Variants in CHRDL1 observed in about 807,000 individuals in gnomAD.
CHRDL1 encodes the protein chordin-like protein 1.
Under a neutral mutation model 40.9 loss-of-function variants are expected in CHRDL1, and 19 were observed. The observed-to-expected ratio is 0.46, with a 90% CI of 0.32 to 0.68. The LOEUF is 0.68. Among genes scored for constraint, CHRDL1 ranks in the 30% least tolerant of loss-of-function variants. The pLI is 0.03. For missense variants in CHRDL1, 329 were observed against 352.1 expected, an observed-to-expected ratio of 0.93 and a Z score of 0.53; for synonymous variants, 136 against 123.4, an observed-to-expected ratio of 1.10 and a Z score of -0.68.
At chrX:110,730,444 G>A (rs1330772653) in intron 4 of CHRDL1, among the ~76,000 whole-genome samples, 1 of 111,175 alleles carries the variant, frequency 9.0e-6, no homozygotes, top group African/African-American at 3.3e-5. Flanking sequence ...ACTCTACTTT[G>A]GACTTATTGA....
At chrX:110,792,540 G>T (rs2090119531) in intron 1 of CHRDL1, among the ~76,000 whole-genome samples, 1 of 111,910 alleles carries the variant, frequency 8.9e-6, no homozygotes. Flanking sequence ...AGATTTTTTT[G>T]GGAGAAAAGG....
chrX:110,729,798 G>A (rs903903494), intron 4 of CHRDL1, among the ~76,000 whole-genome samples: 1 of 111,943 alleles, frequency 8.9e-6, no homozygotes, highest in Admixed American at 9.4e-5. Flanking sequence ...CTTATTAGCT[G>A]AGCAAATTCT....
At chrX:110,759,942 T>C (rs1418584423) in intron 3 of CHRDL1, among the ~76,000 whole-genome samples, 188 bp from the exon 4 acceptor site, 3 of 111,605 alleles carry the variant, frequency 2.7e-5, no homozygotes, top group Non-Finnish European at 5.6e-5. Context: ...GGTTGATAGT[T>C]TATTGGCATA....
chrX:110,740,736 T>A, intron 4 of CHRDL1, among the ~76,000 whole-genome samples: 1 of 111,725 alleles, frequency 9.0e-6, no homozygotes, highest in Non-Finnish European at 1.9e-5. Context: ...ATAAGAGTGA[T>A]TTTTTCCCCA....
chrX:110,766,305 C>A (rs2089660883), intron 2 of CHRDL1, among the ~76,000 whole-genome samples: 1 of 110,201 alleles, frequency 9.1e-6, no homozygotes, highest in Non-Finnish European at 1.9e-5. Flanking sequence ...GAAACAAGAA[C>A]AAACCAAACC....
At chrX:110,779,699 A>C (rs775336057) in intron 2 of CHRDL1, among the ~76,000 whole-genome samples, 2 of 111,364 alleles carry the variant, frequency 1.8e-5, no homozygotes, top group African/African-American at 6.5e-5. Flanking sequence ...CTTTAGAGTC[A>C]GTTTGTTGAC....
intron 6 of CHRDL1, among the ~76,000 whole-genome samples, chrX:110,713,104 G>A (rs895375279): frequency 1.8e-5 from 2 of 111,044 alleles, no homozygotes; most frequent in East Asian, 2.8e-4. Context: ...GATGTGGTGC[G>A]AGTTGAGGCT....
chrX:110,753,141 G>A (rs1018448710), intron 4 of CHRDL1, among the ~76,000 whole-genome samples: 2 of 112,112 alleles, frequency 1.8e-5, no homozygotes, highest in Non-Finnish European at 3.8e-5. Flanking sequence ...TGGCCAAAAG[G>A]TGGAAACAAC....
chrX:110,717,992 T>C (rs931329588), intron 6 of CHRDL1, among the ~76,000 whole-genome samples: 2 of 111,961 alleles, frequency 1.8e-5, no homozygotes, highest in East Asian at 2.8e-4. Context: ...TCCAAATGTA[T>C]TTCAAATTTG....
chrX:110,735,337 A>T (rs982570981), intron 4 of CHRDL1, among the ~76,000 whole-genome samples: 3 of 112,341 alleles, frequency 2.7e-5, no homozygotes, highest in Admixed American at 9.4e-5. Context: ...CTGTTTAATG[A>T]TAACTCAGCA....
intron 2 of CHRDL1, among the ~76,000 whole-genome samples, chrX:110,763,767 T>G (rs73528267): frequency 0.025 from 2,769 of 111,584 alleles, 86 homozygotes; most frequent in African/African-American, 0.085. Flanking sequence ...CACTGGGATT[T>G]CTGGATCAAA....
chrX:110,686,910 T>A (rs5985304), intron 9 of CHRDL1, among the ~76,000 whole-genome samples: 35,654 of 93,358 alleles, frequency 0.38, 7,394 homozygotes, highest in African/African-American at 0.59. Flanking sequence ...AAAAAAAAAA[T>A]AAAAAGAATG....
chrX:110,752,320 G>A (rs1015176715), intron 4 of CHRDL1, among the ~76,000 whole-genome samples: 2 of 112,046 alleles, frequency 1.8e-5, no homozygotes, highest in Admixed American at 9.4e-5. Flanking sequence ...TGCCTGCCTC[G>A]GCCTCCCAAA....
chrX:110,795,111 T>C (rs972081595), intron 1 of CHRDL1, among the ~76,000 whole-genome samples: 4 of 112,213 alleles, frequency 3.6e-5, no homozygotes, highest in African/African-American at 1.3e-4. Context: ...TTCATTTCAT[T>C]CCACACAACT....
intron 6 of CHRDL1, among the ~76,000 whole-genome samples, chrX:110,701,573 G>A (rs2070514329): frequency 8.9e-6 from 1 of 111,871 alleles, no homozygotes; most frequent in Non-Finnish European, 1.9e-5. Flanking sequence ...CAGCACTCTG[G>A]GAGGCCGAAG....
intron 4 of CHRDL1, among the ~76,000 whole-genome samples, chrX:110,738,388 T>G (rs955527811): frequency 1.8e-5 from 2 of 111,903 alleles, no homozygotes; most frequent in Admixed American, 1.9e-4. Context: ...CCATGCCTTA[T>G]TTTTTTCTCC....
At chrX:110,750,413 C>A (rs985509817) in intron 4 of CHRDL1, among the ~76,000 whole-genome samples, 1 of 110,865 alleles carries the variant, frequency 9.0e-6, no homozygotes, top group African/African-American at 3.3e-5. Flanking sequence ...TCTGCTTACT[C>A]AAGAAGAAAA....
chrX:110,690,698 T>A (rs2016878), intron 8 of CHRDL1, among the ~76,000 whole-genome samples: 50,013 of 110,317 alleles, frequency 0.45, 9,343 homozygotes, highest in African/African-American at 0.68. Context: ...AAGTCAAGAT[T>A]GAGAGGGAAA....
At chrX:110,708,792 A>G (rs1436471818) in intron 6 of CHRDL1, among the ~76,000 whole-genome samples, 1 of 111,805 alleles carries the variant, frequency 8.9e-6, no homozygotes, top group African/African-American at 3.2e-5. Flanking sequence ...TGCTCTTTCA[A>G]TGGAGATGTG....
Sources: allele counts gnomAD v4.1 joint callset (sites outside exome capture counted in the v4.1 genomes callset), GRCh38; gene constraint gnomAD v4.1.1; transcripts MANE v1.5; gene names NCBI Gene and HGNC (gene_info 2026-07-23, HGNC 2026-07-21).